NR1H3: variants seen among roughly 807,000 people sequenced by gnomAD.
NR1H3 encodes nuclear receptor subfamily 1 group H member 3.
A neutral mutation model predicts 48.1 loss-of-function variants in NR1H3; 19 were observed. The observed-to-expected ratio is 0.40, with a 90% CI of 0.28 to 0.58. The LOEUF is 0.58. Ranked by LOEUF, NR1H3 falls within the 20% of genes least tolerant of loss-of-function variation. The pLI, the probability that NR1H3 is intolerant of heterozygous loss-of-function variation, is 0.50. For synonymous variants in NR1H3, 232 were observed against 227.3 expected, an observed-to-expected ratio of 1.02 and a Z score of -0.19; for missense variants, 486 against 595.9, an observed-to-expected ratio of 0.82 and a Z score of 1.92.
At chr11:47,255,613 C>CTT (rs1955068877), upstream of NR1H3, among the ~76,000 whole-genome samples, 3 of 111,638 alleles carry the variant, frequency 2.7e-5, no homozygotes, top group South Asian at 3.1e-4. Flanking sequence ...CTCTCTCTCT[C>CTT]TCTCTTTCTT....
chr11:47,257,109 C>T (rs1288451639), upstream of NR1H3, among the ~76,000 whole-genome samples: 2 of 152,206 alleles, frequency 1.3e-5, no homozygotes, highest in East Asian at 3.8e-4. Flanking sequence ...TCTATGCCAG[C>T]CCTGTTTCAG....
chr11:47,266,508 A>G (rs924866528), intron 7 of NR1H3, among the ~76,000 whole-genome samples: 1 of 151,610 alleles, frequency 6.6e-6, no homozygotes, highest in African/African-American at 2.4e-5. Flanking sequence ...TAATTTTTGT[A>G]TTTTTAGTAG....
chr11:47,250,917 T>C (rs1954603633), intron 1 of NR1H3, among the ~76,000 whole-genome samples: 1 of 152,230 alleles, frequency 6.6e-6, no homozygotes, highest in Non-Finnish European at 1.5e-5. Context: ...CCCGGCACTT[T>C]GGGAGGCCGA....
chr11:47,256,241 A>G (rs1230082066), upstream of NR1H3, among the ~76,000 whole-genome samples: 3 of 151,302 alleles, frequency 2.0e-5, no homozygotes, highest in African/African-American at 4.9e-5. Flanking sequence ...GGGTTTCACC[A>G]TGTTGGCCAG....
At chr11:47,252,645 C>G (rs1954757783) in intron 1 of NR1H3, among the ~76,000 whole-genome samples, 1 of 151,798 alleles carries the variant, frequency 6.6e-6, no homozygotes, top group African/African-American at 2.4e-5. Flanking sequence ...ACAGTCTCGG[C>G]TCACTGCAAG....
upstream of NR1H3, among the ~76,000 whole-genome samples, chr11:47,256,041 C>A (rs1565179567): frequency 6.6e-6 from 1 of 151,886 alleles, no homozygotes; most frequent in Non-Finnish European, 1.5e-5. Context: ...ATTTATCTTT[C>A]TTTCTTTTTC....
At chr11:47,264,500 C>T (rs1017899293) in intron 7 of NR1H3, among the ~76,000 whole-genome samples, 3 of 152,210 alleles carry the variant, frequency 2.0e-5, no homozygotes, top group African/African-American at 7.2e-5. Flanking sequence ...ATGACTTTAT[C>T]CAGCTTTAAA....
chr11:47,255,587 TTCTTTCTTTCTC>T (rs1254156375), upstream of NR1H3, among the ~76,000 whole-genome samples: 26 of 71,822 alleles, frequency 3.6e-4, 1 homozygote, highest in African/African-American at 1.6e-3. Context: ...CTTTCTTTCT[TTCTTTCTTTCTC>T]TCTCTCTCTC....
chr11:47,248,593 C>T, upstream of NR1H3: 1 of 1,553,000 alleles, frequency 6.4e-7, no homozygotes, highest in Non-Finnish European at 8.7e-7. Flanking sequence ...CCAGCTGTTC[C>T]TTCCCGAGAT....
At chr11:47,261,878 GC>G in intron 6 of NR1H3, 40 bp from the exon 7 acceptor site, 1 of 1,602,124 alleles carries the variant, frequency 6.2e-7, no homozygotes, top group Non-Finnish European at 8.6e-7. Flanking sequence ...TCCAAGACCA[GC>G]CCTCCTAGTC....
chr11:47,258,121 G>A lies in NR1H3; in HGVS notation c.-46G>A. On this transcript the variant is annotated 5_prime_UTR_variant, in exon 1 of 10. Transcript: ENST00000441012. ...GCCCACCCAGGAAGTCTGGTGGCCT[G>A]GGGATTTGGTGGGTCTGCTCCTTAG... 3 of 985,610 alleles carry A rather than the reference G, an allele frequency of 3.0e-6. No individual in the cohort carries two copies. Among genetic ancestry groups the A allele is most frequent in the Non-Finnish European group, 3.6e-6 (3 of 830,142 alleles). The allele number at this position is 985,610 out of a possible 1,614,324, so 61.1% of individuals were successfully genotyped here. A position where few individuals can be genotyped will look rare whatever the true frequency, so the allele number is the denominator to read the frequency against.
intron 2 of NR1H3, 47 bp from the exon 3 acceptor site, chr11:47,259,743 GC>G: frequency 4.3e-6 from 7 of 1,609,726 alleles, no homozygotes; most frequent in Non-Finnish European, 5.9e-6. Flanking sequence ...GGGCCGTGGA[GC>G]CGGGATGGGG....
At chr11:47,253,046 C>T (rs892985636), upstream of NR1H3, among the ~76,000 whole-genome samples, 1 of 149,638 alleles carries the variant, frequency 6.7e-6, no homozygotes, top group Non-Finnish European at 1.5e-5. Flanking sequence ...GCAGCCTCGA[C>T]CTCCTGGGCT....
chr11:47,261,691 G>T lies in NR1H3; in HGVS notation c.853G>T (p.Asp285Tyr). The T allele has an allele frequency of 6.2e-7, 1 of 1,614,168 alleles. No homozygotes were observed. The highest frequency in any genetic ancestry group is 8.5e-7 in the Non-Finnish European group (1 of 1,180,040). ...LPGFLQLSRE[D>Y]QIALLKTSAI... ...CGGCTTCCTGCAGCTCAGCCGGGAG[G>T]ACCAGATTGCCCTGCTGAAGACCTC... is the stretch of plus-strand genomic sequence containing the variant. Residue 285 changes from aspartate to tyrosine, a missense_variant, in exon 6 of 10, where the codon GAC (aspartate) becomes TAC (tyrosine). Physicochemically the swap from Asp to Tyr is radical, Grantham distance 160 (BLOSUM62 -3). Transcript: ENST00000441012.
upstream of NR1H3, chr11:47,248,329 G>A (rs1954293139): frequency 9.1e-7 from 1 of 1,096,312 alleles, no homozygotes. Flanking sequence ...AATGCTACTG[G>A]AGACCATAGG....
Position 47,260,474 on chromosome 11 carries a change from G to C in NR1H3, c.298G>C (p.Val100Leu). 1 of 1,614,226 alleles carries C rather than the reference G, an allele frequency of 6.2e-7. No individual in the cohort carries two copies. The change falls in exon 4 of 10, where the codon GTG (valine) becomes CTG (leucine). Residue 100 changes from valine (V) to leucine (L), a missense_variant. Coordinates refer to ENST00000441012, the MANE Select transcript of NR1H3 (RefSeq NM_005693.4). ...PKMLGNELCS[V>L]CGDKASGFHY... ...AATGCTGGGGAACGAGCTATGCAGC[G>C]TGTGTGGGGACAAGGCCTCGGGCTT...
At chr11:47,256,405 A>G (rs913652666), upstream of NR1H3, among the ~76,000 whole-genome samples, 30 of 152,358 alleles carry the variant, frequency 2.0e-4, no homozygotes, top group Admixed American at 1.6e-3. Context: ...GGAAACAAAG[A>G]TTCAGAGACG....
At chr11:47,256,746 T>G (rs1304691228), upstream of NR1H3, among the ~76,000 whole-genome samples, 135 of 144,258 alleles carry the variant, frequency 9.4e-4, no homozygotes, top group African/African-American at 2.2e-3. Flanking sequence ...TTTTTTTTTT[T>G]TGGGGACAGA....
At chr11:47,263,513 T>G (rs1462699808) in intron 7 of NR1H3, among the ~76,000 whole-genome samples, 1 of 151,466 alleles carries the variant, frequency 6.6e-6, no homozygotes, top group Non-Finnish European at 1.5e-5. Flanking sequence ...TGAGCTCAAG[T>G]GATCCACCCA....
Sources: gnomAD v4.1 joint callset for allele counts (sites outside exome capture counted in the v4.1 genomes callset) on GRCh38, gnomAD v4.1.1 for gene constraint, MANE v1.5 for transcripts, NCBI Gene and HGNC (gene_info 2026-07-23, HGNC 2026-07-21) for gene names.